CACNB2: variants seen among roughly 807,000 people sequenced by gnomAD.
The protein encoded by CACNB2 is voltage-dependent L-type calcium channel subunit beta-2.
Under a neutral mutation model 73.3 loss-of-function variants are expected in CACNB2, and 42 were observed. The ratio of observed to expected loss-of-function variants is 0.57; its 90% confidence interval spans 0.45 to 0.74. CACNB2 has a LOEUF of 0.74. CACNB2 is among the 30% of genes least tolerant of loss of function. The pLI is 0.00. For missense variants in CACNB2, 940 were observed against 853.0 expected (o/e 1.10, Z -1.27); for synonymous variants, 348 against 310.3 (o/e 1.12, Z -1.28).
At chr10:18,450,312 G>A (rs896832599) in intron 3 of CACNB2, among the ~76,000 whole-genome samples, 11 of 152,076 alleles carry the variant, frequency 7.2e-5, no homozygotes, top group African/African-American at 2.7e-4. Context: ...AGGGCTAAAA[G>A]CATCCTTTAG....
At chr10:18,240,085 T>C (rs2036591020) in intron 2 of CACNB2, among the ~76,000 whole-genome samples, 1 of 152,206 alleles carries the variant, frequency 6.6e-6, no homozygotes, top group African/African-American at 2.4e-5. Flanking sequence ...TTATGTACTA[T>C]TTTTGTAAAA....
At chr10:18,419,316 G>A (rs762429017) in intron 3 of CACNB2, among the ~76,000 whole-genome samples, 2 of 150,514 alleles carry the variant, frequency 1.3e-5, no homozygotes, top group African/African-American at 4.9e-5. Flanking sequence ...GCTGTATTCA[G>A]CATACTTGCA....
Position 18,425,593 on chromosome 10 carries a change from A to G in CACNB2, c.333+23550A>G, listed in dbSNP as rs570350220. On this transcript the variant is annotated intron_variant, in intron 3 of 13. Coordinates refer to ENST00000324631, the MANE Select transcript of CACNB2 (RefSeq NM_201596.3). ...TGAGTTGGGGGGGTTGCTTGAGCCC[A>G]GGAGGTCAAGGCTGCAGTGAGCCGA... Among the ~76,000 whole-genome samples the G allele has an allele frequency of 1.1e-4, 16 of 152,262 alleles. No individual in the cohort carries two copies. In the East Asian group the frequency reaches 2.9e-3, roughly 28 times the overall value.
intron 2 of CACNB2, among the ~76,000 whole-genome samples, chr10:18,246,506 A>G (rs78470934): frequency 0.08 from 12,152 of 152,104 alleles, 518 homozygotes; most frequent in Non-Finnish European, 0.11. Context: ...TATTTCTTCA[A>G]TGGGGGTTGA....
chr10:18,426,219 T>C (rs1023657058), intron 3 of CACNB2, among the ~76,000 whole-genome samples: 1 of 152,252 alleles, frequency 6.6e-6, no homozygotes, highest in Non-Finnish European at 1.5e-5. Flanking sequence ...ATGCCTTTGT[T>C]ATAATATTGA....
intron 2 of CACNB2, among the ~76,000 whole-genome samples, chr10:18,166,983 G>A (rs548630188): frequency 2.0e-5 from 3 of 152,270 alleles, no homozygotes; most frequent in South Asian, 2.1e-4. Context: ...AAGTCTTCCC[G>A]TTTCCTCTCC....
chr10:18,260,793 CAT>C, intron 2 of CACNB2: 18 of 1,015,714 alleles, frequency 1.8e-5, no homozygotes, highest in Non-Finnish European at 2.1e-5. Flanking sequence ...GAAGCAGTCA[CAT>C]AAACAGCAGC....
chr10:18,284,357 T>C (rs2038694583), intron 2 of CACNB2, among the ~76,000 whole-genome samples: 1 of 152,188 alleles, frequency 6.6e-6, no homozygotes, highest in Admixed American at 6.5e-5. Context: ...GTGGGAATTG[T>C]GGGAGCTACA....
intron 2 of CACNB2, among the ~76,000 whole-genome samples, chr10:18,253,210 T>A (rs747472727): frequency 7.9e-5 from 12 of 152,328 alleles, no homozygotes; most frequent in Non-Finnish European, 1.5e-4. Context: ...AGTGAAACTC[T>A]TTGTACCTCT....
intron 2 of CACNB2, among the ~76,000 whole-genome samples, chr10:18,168,267 G>A (rs1191588886): frequency 1.3e-5 from 2 of 152,072 alleles, no homozygotes; most frequent in Non-Finnish European, 1.5e-5. Context: ...GCAAGACCCT[G>A]TCTCTAAAAA....
chr10:18,153,662 A>G (rs1004816289), intron 2 of CACNB2, among the ~76,000 whole-genome samples: 1 of 149,716 alleles, frequency 6.7e-6, no homozygotes, highest in East Asian at 2.0e-4. Context: ...GCTCACTACA[A>G]CCTCTGCCTC....
intron 3 of CACNB2, among the ~76,000 whole-genome samples, chr10:18,460,211 C>G (rs2047495228): frequency 6.6e-6 from 1 of 152,008 alleles, no homozygotes; most frequent in Non-Finnish European, 1.5e-5. Context: ...TCATGTTTTA[C>G]CTCTTTGTTT....
At chr10:18,371,582 T>C (rs2042585415) in intron 2 of CACNB2, among the ~76,000 whole-genome samples, 1 of 152,228 alleles carries the variant, frequency 6.6e-6, no homozygotes, top group African/African-American at 2.4e-5. Flanking sequence ...TGTGCCACAT[T>C]TTCTTAATCC....
intron 2 of CACNB2, among the ~76,000 whole-genome samples, chr10:18,311,695 G>A (rs2039971671): frequency 6.6e-6 from 1 of 152,156 alleles, no homozygotes; most frequent in Non-Finnish European, 1.5e-5. Context: ...CCACTGAGTG[G>A]GCTAAGGAAG....
At chr10:18,147,652 T>C (rs944555197) in intron 1 of CACNB2, among the ~76,000 whole-genome samples, 2 of 152,210 alleles carry the variant, frequency 1.3e-5, no homozygotes, top group African/African-American at 4.8e-5. Context: ...AAAAAATATT[T>C]AGAAAAACTG....
At chr10:18,446,720 A>C (rs2061773828) in intron 3 of CACNB2, among the ~76,000 whole-genome samples, 2 of 152,152 alleles carry the variant, frequency 1.3e-5, no homozygotes, top group Admixed American at 1.3e-4. Context: ...ACACTCCAAG[A>C]AGAAGATGGT....
intron 6 of CACNB2, among the ~76,000 whole-genome samples, chr10:18,509,913 A>C (rs1229141532): frequency 6.6e-6 from 1 of 152,264 alleles, no homozygotes; most frequent in Non-Finnish European, 1.5e-5. Context: ...GTTCTTTCCA[A>C]GTAAATACTA....
intron 3 of CACNB2, among the ~76,000 whole-genome samples, chr10:18,456,567 C>T (rs2047292777): frequency 6.6e-6 from 1 of 152,142 alleles, no homozygotes; most frequent in African/African-American, 2.4e-5. Context: ...GAGCCAATCA[C>T]CTCCCACCAG....
intron 1 of CACNB2, among the ~76,000 whole-genome samples, chr10:18,150,418 C>A (rs181721420): frequency 6.6e-6 from 1 of 152,232 alleles, no homozygotes; most frequent in Non-Finnish European, 1.5e-5. Flanking sequence ...AATCCTAACA[C>A]TTTGGGAGGC....
Sources: allele counts gnomAD v4.1 joint callset (sites outside exome capture counted in the v4.1 genomes callset), GRCh38; gene constraint gnomAD v4.1.1; transcripts MANE v1.5; gene names NCBI Gene and HGNC (gene_info 2026-07-23, HGNC 2026-07-21).